The following NDST1 variants were observed in gnomAD, a reference collection of about 807,000 sequenced individuals.
NDST1 encodes bifunctional heparan sulfate N-deacetylase/N-sulfotransferase 1.
In NDST1, 35 loss-of-function variants were observed where a neutral mutation model predicts 92.8. That is an observed-to-expected ratio of 0.38 (90% CI 0.29 to 0.50). The LOEUF (loss-of-function observed/expected upper bound fraction) is 0.50, where lower values mean the gene tolerates loss of function less well. NDST1 is among the 20% of genes least tolerant of loss of function. NDST1 has a pLI of 0.94. For missense variants in NDST1, 822 were observed against 1,182.7 expected (o/e 0.69, Z 4.47); for synonymous variants, 493 against 500.3 (o/e 0.99, Z 0.19).
At chr5:150,551,270 G>A (rs962579587) in intron 13 of NDST1, among the ~76,000 whole-genome samples, 1 of 152,230 alleles carries the variant, frequency 6.6e-6, no homozygotes, top group East Asian at 1.9e-4. Context: ...TGACAGGCAT[G>A]CTTAAGTGCA....
At chr5:150,548,670 G>A (rs1348050267) in intron 12 of NDST1, among the ~76,000 whole-genome samples, 1 of 152,036 alleles carries the variant, frequency 6.6e-6, no homozygotes, top group African/African-American at 2.4e-5. Context: ...CTGAGTAGCT[G>A]GGACTACAGG....
At chr5:150,549,092 A>T (rs1343710114) in intron 12 of NDST1, among the ~76,000 whole-genome samples, 2 of 152,064 alleles carry the variant, frequency 1.3e-5, no homozygotes, top group Non-Finnish European at 2.9e-5. Context: ...GCTCACTGCA[A>T]CCTCTGCCTC....
At chr5:150,538,052 A>G (rs956695431) in intron 6 of NDST1, among the ~76,000 whole-genome samples, 2 of 152,248 alleles carry the variant, frequency 1.3e-5, no homozygotes, top group African/African-American at 4.8e-5. Context: ...AGCTGGTTTA[A>G]ATAAGGTGGC....
At chr5:150,542,749 G>A (rs1755300598) in intron 9 of NDST1, 99 bp from the exon 10 acceptor site, 2 of 1,490,340 alleles carry the variant, frequency 1.3e-6, no homozygotes, top group African/African-American at 1.4e-5. Flanking sequence ...ACCTTCCCAG[G>A]AGCCCCCAGT....
At chr5:150,511,534 C>G (rs1409140478) in intron 1 of NDST1, among the ~76,000 whole-genome samples, 2 of 152,134 alleles carry the variant, frequency 1.3e-5, no homozygotes, top group African/African-American at 4.8e-5. Flanking sequence ...TGGGGCACAC[C>G]AGACGGCACA....
At chr5:150,535,318 G>A in intron 5 of NDST1, 1 of 985,434 alleles carries the variant, frequency 1.0e-6, no homozygotes, top group Non-Finnish European at 1.2e-6. Context: ...ACTAGAAGGG[G>A]AGGCTCTGGA....
intron 10 of NDST1, among the ~76,000 whole-genome samples, chr5:150,544,014 G>A (rs554476993): frequency 5.9e-5 from 9 of 152,266 alleles, no homozygotes; most frequent in South Asian, 4.1e-4. Flanking sequence ...TCCTGACCTC[G>A]TGATCTGCCC....
chr5:150,551,895 G>A lies in NDST1; in HGVS notation c.2529+40G>A, dbSNP rs367577035. 8.7e-6 allele frequency: 14 copies of A among 1,608,366 alleles called. No homozygotes were observed. In the African/African-American group the frequency reaches 1.9e-4, roughly 21 times the overall value. On this transcript the variant is annotated intron_variant, in intron 14 of 14. Transcript: ENST00000261797. Reference sequence around the variant, plus strand: ...CACTACCTGTAGCACCTGCATAAGGGTAAGGGGTCCCTGTATGGAGTTGAG... The same window carrying A: ...CACTACCTGTAGCACCTGCATAAGGATAAGGGGTCCCTGTATGGAGTTGAG...
At chr5:150,547,159 GT>G (rs1266468997) in intron 11 of NDST1, among the ~76,000 whole-genome samples, 1 of 152,242 alleles carries the variant, frequency 6.6e-6, no homozygotes, top group African/African-American at 2.4e-5. Flanking sequence ...CAAGTTTCAT[GT>G]GGTGGCATTT....
intron 6 of NDST1, among the ~76,000 whole-genome samples, chr5:150,536,150 G>A (rs1754976057): frequency 6.6e-6 from 1 of 152,172 alleles, no homozygotes. Flanking sequence ...TTCTGATGAG[G>A]ATGTGGGACA....
In NDST1 at chr5:150,553,479, G is replaced by T; in HGVS notation, c.*147G>T. 1 of 1,162,276 alleles carries T rather than the reference G, an allele frequency of 8.6e-7. No homozygotes were observed. Among genetic ancestry groups the T allele is most frequent in the East Asian group, 2.6e-5 (1 of 39,060 alleles). The allele number at this position is 1,162,276 out of a possible 1,614,324, so 72.0% of individuals were successfully genotyped here. ...GTGGAGGTCTGGTGGGGCTGGGGGA[G>T]CACCCAGGCGGATCTGCAAGCACCT... On this transcript the variant is annotated 3_prime_UTR_variant, in exon 15 of 15. Coordinates refer to ENST00000261797, the MANE Select transcript of NDST1 (RefSeq NM_001543.5). This position sits in a 1 kb window ranked among gnomAD's most constrained non-coding sequence, Gnocchi z 4.2.
chr5:150,530,492 T>C (rs1403597838), intron 3 of NDST1, among the ~76,000 whole-genome samples: 4 of 152,206 alleles, frequency 2.6e-5, no homozygotes, highest in Admixed American at 2.0e-4. Context: ...GAGATCAGGT[T>C]CCTGGGCTCA....
chr5:150,522,107 G>A (rs1754264078), intron 2 of NDST1, among the ~76,000 whole-genome samples: 1 of 152,214 alleles, frequency 6.6e-6, no homozygotes, highest in African/African-American at 2.4e-5. Context: ...CTCCCCTAGG[G>A]AGGGCGTGTG....
rs606231456 is a variant in NDST1, at chr5:150,545,467, G to A, written c.2126G>A (p.Arg709Gln). 6.2e-7 allele frequency: 1 copy of A among 1,614,238 alleles called. No individual in the cohort carries two copies. The highest frequency in any genetic ancestry group is 8.5e-7 in the Non-Finnish European group (1 of 1,180,046). The part of the protein sequence containing the change: ...VLTILINPAD[R>Q]AYSWYQHQRA... ...ACCATCCTCATCAACCCCGCGGACC[G>A]GGCCTATTCCTGGTACCAGGTGAGT... Residue 709 changes from arginine to glutamine, a missense_variant, in exon 11 of 15, where the codon CGG (arginine) becomes CAG (glutamine). Coordinates refer to ENST00000261797, the MANE Select transcript of NDST1 (RefSeq NM_001543.5).
chr5:150,506,508 G>A (rs575067727), upstream of NDST1, among the ~76,000 whole-genome samples: 1 of 152,210 alleles, frequency 6.6e-6, no homozygotes, highest in East Asian at 1.9e-4. Flanking sequence ...TGGTCTCCTG[G>A]CCCCATGAAC....
At chr5:150,512,379 G>A (rs187162583) in intron 1 of NDST1, among the ~76,000 whole-genome samples, 94 of 152,294 alleles carry the variant, frequency 6.2e-4, no homozygotes, top group African/African-American at 2.1e-3. Context: ...CAGCCATGTC[G>A]TACCAGAGAC....
intron 1 of NDST1, among the ~76,000 whole-genome samples, chr5:150,513,346 C>G (rs1232902721): frequency 1.3e-5 from 2 of 152,162 alleles, no homozygotes; most frequent in Non-Finnish European, 2.9e-5. Flanking sequence ...CAAAAATTAG[C>G]TGGGCATGGT....
upstream of NDST1, among the ~76,000 whole-genome samples, chr5:150,504,063 A>G (rs1753345644): frequency 6.6e-6 from 1 of 151,994 alleles, no homozygotes; most frequent in Non-Finnish European, 1.5e-5. Context: ...AGCCGTGGAG[A>G]GGTTGACAAT....
intron 10 of NDST1, 79 bp downstream of exon 10, chr5:150,543,050 G>A: frequency 6.4e-7 from 1 of 1,569,422 alleles, no homozygotes; most frequent in Non-Finnish European, 8.8e-7. Flanking sequence ...GCCACAGCAG[G>A]AAGCAGCTGG....
Sources: gnomAD v4.1 joint callset for allele counts (sites outside exome capture counted in the v4.1 genomes callset) on GRCh38, gnomAD v4.1.1 for gene constraint, Gnocchi (gnomAD v3.1) non-coding constraint, MANE v1.5 for transcripts, NCBI Gene and HGNC (gene_info 2026-07-23, HGNC 2026-07-21) for gene names.